The following ABCA5 variants were observed in gnomAD, a reference collection of about 807,000 sequenced individuals.
ABCA5 encodes cholesterol transporter ABCA5.
In ABCA5, 163 loss-of-function variants were observed where a neutral mutation model predicts 206.0. The ratio of observed to expected loss-of-function variants is 0.79; its 90% CI spans 0.70 to 0.90. The LOEUF is 0.90. ABCA5 is among the 40% of genes least tolerant of loss of function. The pLI is 0.00. For synonymous variants in ABCA5, 609 were observed against 613.8 expected (o/e 0.99, Z 0.11); for missense variants, 1,859 against 1,912.9 (o/e 0.97, Z 0.53).
intron 37 of ABCA5, 40 bp from the exon 38 acceptor site, chr17:69,248,357 T>C: frequency 5.5e-6 from 7 of 1,263,498 alleles, no homozygotes; most frequent in Non-Finnish European, 7.8e-6. Context: ...TATCAATATC[T>C]GAAAAAAATG....
intron 8 of ABCA5, among the ~76,000 whole-genome samples, chr17:69,302,034 T>C (rs994090233): frequency 2.0e-5 from 3 of 152,176 alleles, no homozygotes; most frequent in Admixed American, 1.3e-4. Context: ...AAAAGTAAAA[T>C]GATTAACTCA....
In ABCA5 at chr17:69,277,746, T is replaced by G; in HGVS notation, c.2489A>C (p.Lys830Thr). 1 of 1,607,062 alleles carries G rather than the reference T, an allele frequency of 6.2e-7. No homozygotes were observed. The highest frequency in any genetic ancestry group is 8.5e-7 in the Non-Finnish European group (1 of 1,178,104). The change falls in exon 19 of 39, where the codon AAG (lysine) becomes ACG (threonine). Residue 830 changes from lysine (K) to threonine (T), a missense_variant. Transcript: ENST00000392676. ...GCTCATGGTGCTCACTAGAGCAGCC[T>G]TGGTTTCAGAAAGAATAAGTAAGCT... ...EQSLLILSETKAALVSTMSLW... is the reference protein window; with the variant it reads ...EQSLLILSETTAALVSTMSLW...
rs1266708769 is a variant in ABCA5, at chr17:69,246,879, TTTAAA to T, written c.*653_*657del. 2 of 151,958 alleles carry T rather than the reference TTTAAA, an allele frequency of 1.3e-5. No homozygotes were observed. Among genetic ancestry groups the T allele is most frequent in the African/African-American group, 2.4e-5 (1 of 41,450 alleles). The allele number at this position is 151,958 out of a possible 1,614,324, so 9.4% of individuals were successfully genotyped here. A position where few individuals can be genotyped will look rare whatever the true frequency, so the allele number is the denominator to read the frequency against. ...ATAACTAAAACCTTCTGAATTTTAC[TTTAAA>T]TTAAAGAAATGTAATTTCACATACC... On this transcript the variant is annotated 3_prime_UTR_variant, in exon 39 of 39. Coordinates refer to ENST00000392676, the MANE Select transcript of ABCA5 (RefSeq NM_172232.4).
intron 34 of ABCA5, among the ~76,000 whole-genome samples, chr17:69,253,206 T>C (rs1741022953): frequency 6.6e-6 from 1 of 152,208 alleles, no homozygotes; most frequent in African/African-American, 2.4e-5. Context: ...AGGCAATGCA[T>C]GACTGTCCTA....
intron 20 of ABCA5, among the ~76,000 whole-genome samples, chr17:69,273,401 T>C (rs915406876): frequency 6.7e-6 from 1 of 149,902 alleles, no homozygotes; most frequent in East Asian, 1.9e-4. Context: ...AACGTTATTA[T>C]TAAAAAAGGA....
intron 7 of ABCA5, among the ~76,000 whole-genome samples, chr17:69,303,785 A>T (rs375721669): frequency 0.011 from 51 of 4,744 alleles, 8 homozygotes; most frequent in Non-Finnish European, 0.083. Context: ...AAAAAAAAAA[A>T]ATATATATAT....
intron 1 of ABCA5, among the ~76,000 whole-genome samples, chr17:69,322,420 CAT>C (rs1344694195): frequency 7.9e-6 from 1 of 126,910 alleles, no homozygotes; most frequent in African/African-American, 3.0e-5. Flanking sequence ...TCCTACGAAA[CAT>C]ATTCCACATC....
chr17:69,254,340 T>C lies in ABCA5; in HGVS notation c.4219A>G (p.Ser1407Gly), dbSNP rs2144896861. 3 of 1,612,956 alleles carry C rather than the reference T, an allele frequency of 1.9e-6. No individual in the cohort carries two copies. Among genetic ancestry groups the C allele is most frequent in the East Asian group, 4.5e-5 (2 of 44,786 alleles). Reference protein sequence around the residue: ...IYGAVKGMSASDMKEVISRIT... With the variant: ...IYGAVKGMSAGDMKEVISRIT... The stretch of plus-strand genomic sequence containing the variant: ...CGACTTATGACTTCTTTCATGTCAC[T>C]TGCACTCATTCCTTTGACAGCTCCA... Residue 1407 changes from serine to glycine, a missense_variant, in exon 32 of 39, where the codon AGT becomes GGT. By Grantham distance (56) the Ser-to-Gly change is moderately conservative. Coordinates refer to ENST00000392676, the MANE Select transcript of ABCA5 (RefSeq NM_172232.4).
rs1041739599 is a variant in ABCA5 at position 69,247,097 on chromosome 17, A to G, written c.*440T>C. 6.6e-6 allele frequency: 1 copy of G among 152,158 alleles called. No individual in the cohort carries two copies. The highest frequency in any genetic ancestry group is 6.5e-5 in the Admixed American group (1 of 15,270). 9.4% of individuals were successfully genotyped at this position (152,158 alleles called of 1,614,324 possible). Reference sequence around the variant, plus strand: ...GCTTTTTTAGAAATTAAAAAGGAGAAGCAAGAAACTTTCACATTGCTTTAT... The same window carrying G: ...GCTTTTTTAGAAATTAAAAAGGAGAGGCAAGAAACTTTCACATTGCTTTAT... On this transcript the variant is annotated 3_prime_UTR_variant, in exon 39 of 39. Coordinates refer to ENST00000392676, the MANE Select transcript of ABCA5 (RefSeq NM_172232.4).
chr17:69,265,995 AC>A (rs1455273533), intron 23 of ABCA5, among the ~76,000 whole-genome samples: 1 of 152,220 alleles, frequency 6.6e-6, no homozygotes, highest in African/African-American at 2.4e-5. Context: ...CAGCAACTTT[AC>A]AAAAGCCAAA....
chr17:69,286,355 C>T, intron 15 of ABCA5, 44 bp from the exon 16 acceptor site: 2 of 1,506,382 alleles, frequency 1.3e-6, no homozygotes, highest in Non-Finnish European at 1.8e-6. Flanking sequence ...GTATCAACAG[C>T]ATTAATAATT....
intron 34 of ABCA5, among the ~76,000 whole-genome samples, chr17:69,253,158 C>T (rs1239015886): frequency 6.6e-6 from 1 of 151,994 alleles, no homozygotes; most frequent in Non-Finnish European, 1.5e-5. Flanking sequence ...GTTTGCACAA[C>T]GACAACATCA....
intron 28 of ABCA5, among the ~76,000 whole-genome samples, chr17:69,256,625 T>G (rs1216331963): frequency 6.6e-6 from 1 of 151,556 alleles, no homozygotes; most frequent in East Asian, 1.9e-4. Context: ...CCGGCTCATT[T>G]TTGTATTTTT....
chr17:69,267,363 T>A (rs1034538830), intron 23 of ABCA5, among the ~76,000 whole-genome samples: 1 of 152,124 alleles, frequency 6.6e-6, no homozygotes, highest in African/African-American at 2.4e-5. Context: ...AACCAAAGAC[T>A]GTACAAGATC....
intron 15 of ABCA5, among the ~76,000 whole-genome samples, chr17:69,286,891 T>C (rs1439762167): frequency 2.3e-4 from 35 of 152,182 alleles, no homozygotes; most frequent in Non-Finnish European, 8.8e-5. Flanking sequence ...TATGTATGTA[T>C]GTGTATAAAA....
intron 1 of ABCA5, among the ~76,000 whole-genome samples, chr17:69,321,902 C>T (rs1036211267): frequency 3.3e-5 from 5 of 151,932 alleles, no homozygotes; most frequent in African/African-American, 1.2e-4. Context: ...TTTAACTTTC[C>T]TAGATAAATA....
rs1241369094 is a variant in ABCA5 at position 69,244,877 on chromosome 17, T to C, written c.*2660A>G. ...GGATTTGTCATATTATAGTTAGTTA[T>C]ATAAAATAATAGCTAGTTATATAAG... is the stretch of plus-strand genomic sequence containing the variant. On this transcript the variant is annotated 3_prime_UTR_variant, in exon 39 of 39. Coordinates refer to ENST00000392676, the MANE Select transcript of ABCA5 (RefSeq NM_172232.4). The C allele has an allele frequency of 6.7e-6, 1 of 149,874 alleles. No homozygotes were observed. The highest frequency in any genetic ancestry group is 2.4e-5 in the African/African-American group (1 of 41,096). 9.3% of individuals were successfully genotyped at this position (149,874 alleles called of 1,614,324 possible).
chr17:69,295,028 T>C (rs1008041123), intron 10 of ABCA5, among the ~76,000 whole-genome samples: 1 of 152,184 alleles, frequency 6.6e-6, no homozygotes, highest in African/African-American at 2.4e-5. Flanking sequence ...AAACCGTTGT[T>C]TAGCATATAT....
intron 22 of ABCA5, chr17:69,268,613 T>C (rs2075237379): frequency 6.6e-6 from 1 of 152,066 alleles, no homozygotes; most frequent in African/African-American, 2.4e-5. Flanking sequence ...AGACAATCAA[T>C]AAACAGCTAG....
Sources: allele counts gnomAD v4.1 joint callset (sites outside exome capture counted in the v4.1 genomes callset), GRCh38; gene constraint gnomAD v4.1.1; transcripts MANE v1.5; gene names NCBI Gene and HGNC (gene_info 2026-07-23, HGNC 2026-07-21).